Variants in CACNA1B observed in about 807,000 individuals in gnomAD.
CACNA1B encodes calcium voltage-gated channel subunit alpha1 B.
In CACNA1B, 70 loss-of-function variants were observed where a neutral mutation model predicts 247.2. That is an observed-to-expected ratio of 0.28 (90% CI 0.23 to 0.35). The LOEUF (loss-of-function observed/expected upper bound fraction) is 0.35. CACNA1B is among the 10% of genes least tolerant of loss of function. The pLI is 1.00. For synonymous variants in CACNA1B, 1,231 were observed against 1,294.4 expected, an observed-to-expected ratio of 0.95 and a Z score of 1.05; for missense variants, 2,367 against 3,197.4, an observed-to-expected ratio of 0.74 and a Z score of 6.26.
intron 20 of CACNA1B, among the ~76,000 whole-genome samples, chr9:138,037,110 G>T (rs1385296641): frequency 2.0e-5 from 3 of 152,144 alleles, no homozygotes; most frequent in Admixed American, 1.3e-4. Context: ...GAGAACATAT[G>T]GTTTGTCCCG....
rs1958178763 is a variant in CACNA1B, at chr9:137,973,307, G to T, written c.1543+1715G>T. On this transcript the variant is annotated intron_variant, in intron 11 of 46. Coordinates refer to ENST00000371372, the MANE Select transcript of CACNA1B (RefSeq NM_000718.4). The surrounding 1 kb of genome is among the most constrained non-coding windows in gnomAD (Gnocchi z 4.1). The stretch of plus-strand genomic sequence containing the variant: ...ATGTGGGCAGTGTCCCTGACAGCCG[G>T]GCTGGGCCTGAGGGAGGCTTGCTCA... Among the ~76,000 whole-genome samples, 1 of 152,208 alleles carries T rather than the reference G, an allele frequency of 6.6e-6. No individual in the cohort carries two copies. The highest frequency in any genetic ancestry group is 2.4e-5 in the African/African-American group (1 of 41,460).
At chr9:137,916,004 T>C (rs1360460011) in intron 5 of CACNA1B, among the ~76,000 whole-genome samples, 2 of 151,818 alleles carry the variant, frequency 1.3e-5, no homozygotes, top group African/African-American at 4.8e-5. Context: ...CCTATGTTGA[T>C]AGATATTTTC....
chr9:138,065,306 C>G (rs1209143751), intron 31 of CACNA1B, among the ~76,000 whole-genome samples: 1 of 152,190 alleles, frequency 6.6e-6, no homozygotes, highest in Non-Finnish European at 1.5e-5. Flanking sequence ...ACCACCGCTT[C>G]CCAAGTCAGG....
At position 138,120,757 on chromosome 9, in the gene CACNA1B, C is replaced by T. The variant is rs536518993; in HGVS notation, c.6365C>T (p.Ser2122Leu). 2.0e-5 allele frequency: 31 copies of T among 1,549,398 alleles called. No homozygotes were observed. Among genetic ancestry groups the T allele is most frequent in the Admixed American group, 8.1e-5 (4 of 49,438 alleles). ...QERRQPSSSSSEKQRFYSCDR... is the reference protein window; with the variant it reads ...QERRQPSSSSLEKQRFYSCDR... ...CGGAGGCAGCCCTCATCCTCCTCCT[C>T]GGAGAAGCAGCGCTTCTACTCCTGC... The change falls in exon 46 of 47, where the codon TCG (serine) becomes TTG (leucine). Residue 2122 changes from serine (S) to leucine (L), a missense_variant. Ser to Leu is a moderately radical substitution (Grantham distance 145). Coordinates refer to ENST00000371372, the MANE Select transcript of CACNA1B (RefSeq NM_000718.4).
At chr9:137,939,429 A>T (rs975097197) in intron 6 of CACNA1B, among the ~76,000 whole-genome samples, 6 of 152,164 alleles carry the variant, frequency 3.9e-5, no homozygotes, top group Admixed American at 3.9e-4. Context: ...AAACCATGCA[A>T]ATACATGGAA....
At position 138,051,157 on chromosome 9, in the gene CACNA1B, C is replaced by T. The variant is rs758352572; in HGVS notation, c.3711-935C>T. 6.6e-6 allele frequency among the ~76,000 whole-genome samples: 1 copy of T among 152,174 alleles called. No homozygotes were observed. The highest frequency in any genetic ancestry group is 1.9e-4 in the East Asian group (1 of 5,156). On this transcript the variant is annotated intron_variant, in intron 24 of 46. Transcript: ENST00000371372. The surrounding 1 kb of genome is among the most constrained non-coding windows in gnomAD (Gnocchi z 4.3). ...TGGCTTTGCTTCTGAGAACGGGGGC[C>T]GCCTTAGGAGGAAATCTCTCCTAGA...
chr9:138,059,570 A>T lies in CACNA1B; in HGVS notation c.4585-84A>T. ...GGTCTATCACCCTCACCGCTTTCTT[A>T]ATCAGGGCCACCACCTATATATACC... is the stretch of plus-strand genomic sequence containing the variant. On this transcript the variant is annotated intron_variant, in intron 30 of 46. Coordinates refer to ENST00000371372, the MANE Select transcript of CACNA1B (RefSeq NM_000718.4). This position sits in a 1 kb window ranked among gnomAD's most constrained non-coding sequence, Gnocchi z 4.2. 1 of 833,798 alleles carries T rather than the reference A, an allele frequency of 1.2e-6. No homozygotes were observed. The highest frequency in any genetic ancestry group is 2.1e-6 in the Non-Finnish European group (1 of 480,630). 51.6% of individuals were successfully genotyped at this position (833,798 alleles called of 1,614,324 possible). A position where few individuals can be genotyped will look rare whatever the true frequency, so the allele number is the denominator to read the frequency against.
rs1378450418 is a variant in CACNA1B at position 137,913,407 on chromosome 9, C to G, written c.622+136C>G. 1.5e-6 allele frequency: 1 copy of G among 657,262 alleles called. No individual in the cohort carries two copies. Among genetic ancestry groups the G allele is most frequent in the African/African-American group, 1.8e-5 (1 of 54,866 alleles). 40.7% of individuals were successfully genotyped at this position (657,262 alleles called of 1,614,324 possible). A position where few individuals can be genotyped will look rare whatever the true frequency, so the allele number is the denominator to read the frequency against. ...CCACTTTTGACCCCAGGGAACCAGGCAGGAGGAAGGGAGGAGCAGGCCTTT... is the reference window on the plus strand; with the variant it reads ...CCACTTTTGACCCCAGGGAACCAGGGAGGAGGAAGGGAGGAGCAGGCCTTT... On this transcript the variant is annotated intron_variant, in intron 4 of 46. Transcript: ENST00000371372. This position sits in a 1 kb window ranked among gnomAD's most constrained non-coding sequence, Gnocchi z 5.2.
chr9:138,012,833 C>T lies in CACNA1B; in HGVS notation c.2161-296C>T, dbSNP rs1386571535. ...CAGGATAGCACAGAGGTGAGGCCGT[C>T]GCCTCCAGGGAGACGGCACAAGCAA... On this transcript the variant is annotated intron_variant, in intron 17 of 46. Transcript: ENST00000371372. This position sits in a 1 kb window ranked among gnomAD's most constrained non-coding sequence, Gnocchi z 4.2. Among the ~76,000 whole-genome samples the T allele has an allele frequency of 6.6e-6, 1 of 151,980 alleles. No homozygotes were observed. The highest frequency in any genetic ancestry group is 1.5e-5 in the Non-Finnish European group (1 of 68,002).
intron 16 of CACNA1B, 68 bp downstream of exon 16, chr9:138,006,952 C>G: frequency 1.3e-6 from 1 of 796,488 alleles, no homozygotes; most frequent in Non-Finnish European, 2.2e-6. Context: ...ATGGCCACCA[C>G]GCGGATCCCT....
intron 15 of CACNA1B, 102 bp from the exon 16 acceptor site, chr9:138,006,665 C>T (rs1049864856): frequency 1.6e-5 from 11 of 690,114 alleles, no homozygotes; most frequent in African/African-American, 3.5e-5. Context: ...CGTGGCAGTG[C>T]GCGTGGACGT....
intron 20 of CACNA1B, among the ~76,000 whole-genome samples, chr9:138,037,560 G>A (rs1959061421): frequency 6.6e-6 from 1 of 152,168 alleles, no homozygotes; most frequent in Non-Finnish European, 1.5e-5. Context: ...TCAGGAGGCT[G>A]AGCCAGGAGA....
At chr9:137,969,417 TG>T (rs764585120) in intron 10 of CACNA1B, among the ~76,000 whole-genome samples, 74 of 152,206 alleles carry the variant, frequency 4.9e-4, no homozygotes, top group Non-Finnish European at 7.6e-4. Flanking sequence ...GATGTGTGTG[TG>T]TGGGGGGCTG....
At position 137,913,448 on chromosome 9, in the gene CACNA1B, C is replaced by A. The variant is rs965673365; in HGVS notation, c.622+177C>A. ...GCAGGCCTTTTTTGGCCTGTCACAC[C>A]CTCCATGAAAGCCCACAGGGTGATG... is the stretch of plus-strand genomic sequence containing the variant. On this transcript the variant is annotated intron_variant, in intron 4 of 46. Coordinates refer to ENST00000371372, the MANE Select transcript of CACNA1B (RefSeq NM_000718.4). The surrounding 1 kb of genome is among the most constrained non-coding windows in gnomAD (Gnocchi z 5.2). Among the ~76,000 whole-genome samples the A allele has an allele frequency of 2.0e-5, 3 of 152,118 alleles. No homozygotes were observed. The highest frequency in any genetic ancestry group is 3.2e-3 in the Middle Eastern group (1 of 316).
rs919991468 is a variant in CACNA1B at position 138,011,886 on chromosome 9, C to G, written c.2161-1243C>G. Among the ~76,000 whole-genome samples, 7 of 152,180 alleles carry G rather than the reference C, an allele frequency of 4.6e-5. No homozygotes were observed. The highest frequency in any genetic ancestry group is 1.4e-4 in the African/African-American group (6 of 41,462). Reference sequence around the variant, plus strand: ...TGGCTCCCAGGGGAGCCAGGTGGGTCTGGGCTTCAGGATTTTGAGGAAACA... The same window carrying G: ...TGGCTCCCAGGGGAGCCAGGTGGGTGTGGGCTTCAGGATTTTGAGGAAACA... On this transcript the variant is annotated intron_variant, in intron 17 of 46. Coordinates refer to ENST00000371372, the MANE Select transcript of CACNA1B (RefSeq NM_000718.4). The surrounding 1 kb of genome is among the most constrained non-coding windows in gnomAD (Gnocchi z 4.2).
chr9:138,122,036 G>T lies in CACNA1B; in HGVS notation c.*37G>T. 6.5e-7 allele frequency: 1 copy of T among 1,549,478 alleles called. No homozygotes were observed. Among genetic ancestry groups the T allele is most frequent in the Non-Finnish European group, 8.7e-7 (1 of 1,149,956 alleles). ...CCGCTCAGACGCCTGCATGCAGCAGGCGTGTGTTCCAGTGGATGAGTTTTA... is the reference window on the plus strand; with the variant it reads ...CCGCTCAGACGCCTGCATGCAGCAGTCGTGTGTTCCAGTGGATGAGTTTTA... On this transcript the variant is annotated 3_prime_UTR_variant, in exon 47 of 47. Transcript: ENST00000371372.
Position 138,108,641 on chromosome 9 carries a change from A to G in CACNA1B, c.5428+2834A>G, listed in dbSNP as rs546233233. 1.4e-4 allele frequency among the ~76,000 whole-genome samples: 22 copies of G among 151,886 alleles called. No individual in the cohort carries two copies. The South Asian group carries it at 4.0e-3, about 27-fold the overall frequency. On this transcript the variant is annotated intron_variant, in intron 39 of 46. Transcript: ENST00000371372. ...TTTTTAAATCTTCAACATAATCTTT[A>G]AGCAAACTGAATTTTTTTTTTTTTT...
Position 138,010,173 on chromosome 9 carries a change from C to T in CACNA1B, c.2160+96C>T. 1.0e-6 allele frequency: 1 copy of T among 967,152 alleles called. No homozygotes were observed. The highest frequency in any genetic ancestry group is 1.4e-5 in the South Asian group (1 of 71,708). The allele number at this position is 967,152 out of a possible 1,614,324, so 59.9% of individuals were successfully genotyped here. A position where few individuals can be genotyped will look rare whatever the true frequency, so the allele number is the denominator to read the frequency against. On this transcript the variant is annotated intron_variant, in intron 17 of 46. Coordinates refer to ENST00000371372, the MANE Select transcript of CACNA1B (RefSeq NM_000718.4). This position sits in a 1 kb window ranked among gnomAD's most constrained non-coding sequence, Gnocchi z 5.3. Reference sequence around the variant, plus strand: ...GGGTCCTGGGTTAGGGCCTCGTGTCCAGGAGCGTTGCCTTGGGTCCTGGCG... The same window carrying T: ...GGGTCCTGGGTTAGGGCCTCGTGTCTAGGAGCGTTGCCTTGGGTCCTGGCG...
chr9:138,120,091 C>G, intron 44 of CACNA1B, 74 bp from the exon 45 acceptor site: 1 of 1,289,200 alleles, frequency 7.8e-7, no homozygotes, highest in Non-Finnish European at 1.1e-6. Flanking sequence ...CCTGCTCCAC[C>G]ACCCACTTCC....
Sources: gnomAD v4.1 joint callset for allele counts (sites outside exome capture counted in the v4.1 genomes callset) on GRCh38, gnomAD v4.1.1 for gene constraint, Gnocchi (gnomAD v3.1) non-coding constraint, MANE v1.5 for transcripts, NCBI Gene and HGNC (gene_info 2026-07-23, HGNC 2026-07-21) for gene names.